Variants in KIR3DL2 observed in about 807,000 individuals in gnomAD.
KIR3DL2 encodes killer cell immunoglobulin-like receptor 3DL2.
A neutral mutation model predicts 41.6 loss-of-function variants in KIR3DL2; 42 were observed. That is an observed-to-expected ratio of 1.01 (90% CI 0.79 to 1.31). The LOEUF is 1.31. KIR3DL2 is among the 50% of genes most tolerant of loss of function. The probability of loss-of-function intolerance (pLI) is 0.00; values close to 1 mark genes in which losing one functional copy is unlikely to be tolerated. For missense variants in KIR3DL2, 728 were observed against 576.8 expected, an observed-to-expected ratio of 1.26 and a Z score of -2.68; for synonymous variants, 230 against 221.3, an observed-to-expected ratio of 1.04 and a Z score of -0.35.
intron 6 of KIR3DL2, among the ~76,000 whole-genome samples, chr19:54,861,206 G>A (rs12608799): frequency 7.5e-6 from 1 of 133,308 alleles, no homozygotes; most frequent in Non-Finnish European, 1.6e-5. Context: ...TGGCTGGAAA[G>A]GCTTGCTGGG....
intron 2 of KIR3DL2, 32 bp from the exon 3 acceptor site, chr19:54,851,966 C>G: frequency 6.2e-7 from 1 of 1,602,736 alleles, no homozygotes; most frequent in Non-Finnish European, 8.5e-7. Context: ...TCCACATCCT[C>G]CTCTCTAAGG....
intron 5 of KIR3DL2, 97 bp downstream of exon 5, chr19:54,856,009 A>G (rs1244853424): frequency 1.4e-6 from 2 of 1,444,160 alleles, no homozygotes; most frequent in Non-Finnish European, 9.5e-7. Context: ...ACAGATGCAG[A>G]GAGAACACGA....
In KIR3DL2 at chr19:54,851,848, T is replaced by A. The variant is rs372150381; in HGVS notation, c.71-150T>A. The A allele has an allele frequency of 2.5e-3, 1,898 of 757,024 alleles. 1 individual carries two copies. The highest frequency in any genetic ancestry group is 3.3e-3 in the Non-Finnish European group (1,539 of 467,120). The allele number at this position is 757,024 out of a possible 1,614,324, so 46.9% of individuals were successfully genotyped here. ...TGACACTTGTTGTAGGGAGACGCCA[T>A]GTCTATGTGGGGTGGGTCCTTCCTG... On this transcript the variant is annotated intron_variant, in intron 2 of 8. Transcript: ENST00000326321.
At chr19:54,863,180 T>C (rs1456492606) in intron 6 of KIR3DL2, among the ~76,000 whole-genome samples, 1 of 151,838 alleles carries the variant, frequency 6.6e-6, no homozygotes, top group African/African-American at 2.4e-5. Flanking sequence ...GCAAAGGACA[T>C]GAACTCATCA....
At chr19:54,851,291 C>T in intron 2 of KIR3DL2, 36 bp downstream of exon 2, 1 of 1,595,958 alleles carries the variant, frequency 6.3e-7, no homozygotes, top group African/African-American at 1.4e-5. Context: ...TGTCATCTCC[C>T]CACATAAGAG....
At chr19:54,851,280 G>A in intron 2 of KIR3DL2, 25 bp downstream of exon 2, 2 of 1,601,374 alleles carry the variant, frequency 1.2e-6, no homozygotes, top group Non-Finnish European at 1.7e-6. Context: ...AAACCTTAGG[G>A]TGTCATCTCC....
intron 5 of KIR3DL2, among the ~76,000 whole-genome samples, chr19:54,857,456 A>G (rs1168990363): frequency 1.3e-5 from 2 of 151,390 alleles, no homozygotes; most frequent in African/African-American, 4.9e-5. Flanking sequence ...TTACATTCCT[A>G]CCAACAGGGT....
chr19:54,855,167 T>A (rs2064639376), intron 4 of KIR3DL2, among the ~76,000 whole-genome samples: 1 of 150,450 alleles, frequency 6.6e-6, no homozygotes, highest in African/African-American at 2.5e-5. Context: ...GATACATAGA[T>A]ACAGATAATA....
chr19:54,865,119 C>T (rs543098645), intron 6 of KIR3DL2, among the ~76,000 whole-genome samples: 1 of 152,048 alleles, frequency 6.6e-6, no homozygotes, highest in East Asian at 1.9e-4. Context: ...AGATAGTCGT[C>T]CGGTTTTTGT....
rs774807403 is a variant in KIR3DL2 at position 54,855,698 on chromosome 19, C to T, written c.735C>T (p.Ser245=). ...QAGENVTLSC[S]SWSSYDIYHL... Reference sequence around the variant, plus strand: ...GAGAGAACGTGACCTTGTCCTGTAGCTCCTGGAGCTCCTATGACATCTACC... The same window carrying T: ...GAGAGAACGTGACCTTGTCCTGTAGTTCCTGGAGCTCCTATGACATCTACC... Residue 245 remains serine, a synonymous_variant, in exon 5 of 9, where the codon AGC becomes AGT. Coordinates refer to ENST00000326321, the MANE Select transcript of KIR3DL2 (RefSeq NM_006737.4). The T allele has an allele frequency of 8.3e-5, 134 of 1,613,588 alleles. 2 individuals are homozygous for T. The highest frequency in any genetic ancestry group is 5.9e-4 in the African/African-American group (44 of 74,628).
chr19:54,857,371 A>C (rs2064865716), intron 5 of KIR3DL2, among the ~76,000 whole-genome samples: 1 of 151,358 alleles, frequency 6.6e-6, no homozygotes, highest in Non-Finnish European at 1.5e-5. Flanking sequence ...AGTTACAGGC[A>C]TAAGCCACTA....
chr19:54,866,863 G>C lies in KIR3DL2; in HGVS notation c.*132G>C. The C allele has an allele frequency of 9.7e-7, 1 of 1,028,906 alleles. No homozygotes were observed. The highest frequency in any genetic ancestry group is 1.5e-5 in the South Asian group (1 of 66,126). The allele number at this position is 1,028,906 out of a possible 1,614,324, so 63.7% of individuals were successfully genotyped here. Reference sequence around the variant, plus strand: ...ACGAATCTGAACATGCCTCTCTCTTGCTTACAAATGCCTAAGGTCGCCACT... The same window carrying C: ...ACGAATCTGAACATGCCTCTCTCTTCCTTACAAATGCCTAAGGTCGCCACT... On this transcript the variant is annotated 3_prime_UTR_variant, in exon 9 of 9. Transcript: ENST00000326321.
Position 54,866,651 on chromosome 19 carries a change from G to A in KIR3DL2, c.1288G>A (p.Glu430Lys). The A allele has an allele frequency of 5.0e-6, 8 of 1,613,948 alleles. No individual in the cohort carries two copies. The highest frequency in any genetic ancestry group is 5.9e-6 in the Non-Finnish European group (7 of 1,179,974). The change falls in exon 9 of 9, where the codon GAA (glutamate) becomes AAA (lysine). Residue 430 changes from glutamate (E) to lysine (K), a missense_variant. By Grantham distance (56) the Glu-to-Lys change is moderately conservative. Coordinates refer to ENST00000326321, the MANE Select transcript of KIR3DL2 (RefSeq NM_006737.4). ...TPLTDTSVYT[E>K]LPNAEPRSKV... ...CCTAACAGATACCAGCGTGTACACGGAACTTCCAAATGCTGAGCCCAGATC... is the reference window on the plus strand; with the variant it reads ...CCTAACAGATACCAGCGTGTACACGAAACTTCCAAATGCTGAGCCCAGATC...
At chr19:54,854,764 G>C (rs2064600579) in intron 4 of KIR3DL2, among the ~76,000 whole-genome samples, 1 of 151,938 alleles carries the variant, frequency 6.6e-6, no homozygotes, top group African/African-American at 2.4e-5. Flanking sequence ...AAGAAAAGAG[G>C]GCAGAGGAGT....
chr19:54,856,103 C>T (rs1325711705), intron 5 of KIR3DL2, among the ~76,000 whole-genome samples, 191 bp downstream of exon 5: 3 of 151,422 alleles, frequency 2.0e-5, no homozygotes, highest in East Asian at 1.9e-4. Flanking sequence ...CATGGAGGCC[C>T]ATGGTCAGGG....
At position 54,852,160 on chromosome 19, in the gene KIR3DL2, A is replaced by G; in HGVS notation, c.233A>G (p.Glu78Gly). 1 of 1,613,082 alleles carries G rather than the reference A, an allele frequency of 6.2e-7. No homozygotes were observed. Among genetic ancestry groups the G allele is most frequent in the Non-Finnish European group, 8.5e-7 (1 of 1,179,644 alleles). Residue 78 changes from glutamate (E) to glycine (G), a missense_variant, in exon 3 of 9, where the codon GAG (glutamate) becomes GGG (glycine). Physicochemically the swap from Glu to Gly is moderately conservative, Grantham distance 98. Transcript: ENST00000326321. Reference sequence around the variant, plus strand: ...ATCTTCCACGGCAGAATATTCCAGGAGAGCTTCATCATGGGCCCTGTGACC... The same window carrying G: ...ATCTTCCACGGCAGAATATTCCAGGGGAGCTTCATCATGGGCCCTGTGACC... ...VPIFHGRIFQ[E>G]SFIMGPVTPA...
chr19:54,862,895 T>C (rs2065277279), intron 6 of KIR3DL2, among the ~76,000 whole-genome samples: 1 of 146,950 alleles, frequency 6.8e-6, no homozygotes, highest in African/African-American at 2.5e-5. Flanking sequence ...AGGGTACATG[T>C]GCACAATGTG....
chr19:54,859,390 A>C (rs111427644), intron 6 of KIR3DL2, among the ~76,000 whole-genome samples: 24,985 of 150,962 alleles, frequency 0.17, 1,715 homozygotes, highest in South Asian at 0.3. Context: ...TCTCAGGAAA[A>C]ATGCAGTGTT....
At chr19:54,855,968 A>G (rs1026527438) in intron 5 of KIR3DL2, 56 bp downstream of exon 5, 16 of 1,587,516 alleles carry the variant, frequency 1.0e-5, no homozygotes, top group Non-Finnish European at 1.4e-5. Context: ...ATAGCTGAGG[A>G]GCTTCCTGCC....
Sources: allele counts gnomAD v4.1 joint callset (sites outside exome capture counted in the v4.1 genomes callset), GRCh38; gene constraint gnomAD v4.1.1; transcripts MANE v1.5; gene names NCBI Gene and HGNC (gene_info 2026-07-23, HGNC 2026-07-21).